SPPL2A: variants seen among roughly 807,000 people sequenced by gnomAD.
The protein encoded by SPPL2A is signal peptide peptidase-like 2A.
A neutral mutation model predicts 63.8 loss-of-function variants in SPPL2A; 51 were observed. The observed-to-expected ratio is 0.80, with a 90% CI of 0.64 to 1.01. SPPL2A has a LOEUF of 1.01. SPPL2A is among the 50% of genes least tolerant of loss of function. SPPL2A has a pLI of 0.00. For synonymous variants in SPPL2A, 188 were observed against 205.8 expected, an observed-to-expected ratio of 0.91 and a Z score of 0.74; for missense variants, 553 against 622.7, an observed-to-expected ratio of 0.89 and a Z score of 1.19.
At chr15:50,733,567 TG>T (rs1329441148) in intron 8 of SPPL2A, among the ~76,000 whole-genome samples, 1 of 152,148 alleles carries the variant, frequency 6.6e-6, no homozygotes, top group Non-Finnish European at 1.5e-5. Flanking sequence ...TGCTACTTGA[TG>T]AAAACATTGG....
intron 14 of SPPL2A, among the ~76,000 whole-genome samples, chr15:50,712,508 T>C (rs2062566627): frequency 6.6e-6 from 1 of 152,036 alleles, no homozygotes. Context: ...CAAGTCTCCC[T>C]CTGTCTCACC....
intron 14 of SPPL2A, among the ~76,000 whole-genome samples, chr15:50,715,135 A>C (rs2062591200): frequency 2.6e-5 from 4 of 151,970 alleles, no homozygotes; most frequent in African/African-American, 9.7e-5. Flanking sequence ...TGGGGATTAC[A>C]AGTGTGTGCC....
intron 5 of SPPL2A, among the ~76,000 whole-genome samples, chr15:50,745,347 C>T (rs1055539180): frequency 2.6e-5 from 4 of 152,040 alleles, no homozygotes; most frequent in South Asian, 2.1e-4. Flanking sequence ...GATGGGGTTT[C>T]GCCATGTGGG....
chr15:50,748,011 A>G (rs1194200625), intron 4 of SPPL2A, 102 bp downstream of exon 4: 5 of 525,878 alleles, frequency 9.5e-6, no homozygotes, highest in Admixed American at 4.2e-5. Context: ...GCTTCTTGTT[A>G]GCAAATGGAG....
At chr15:50,746,477 A>G (rs2062858931) in intron 5 of SPPL2A, among the ~76,000 whole-genome samples, 1 of 149,500 alleles carries the variant, frequency 6.7e-6, no homozygotes, top group South Asian at 2.1e-4. Context: ...ATGTAAAAAC[A>G]TTTATGTTTA....
intron 14 of SPPL2A, among the ~76,000 whole-genome samples, chr15:50,711,052 C>T (rs1371955457): frequency 6.6e-6 from 1 of 152,004 alleles, no homozygotes; most frequent in African/African-American, 2.4e-5. Context: ...TTGCTTTATA[C>T]TAATTAGAAC....
Position 50,707,847 on chromosome 15 carries a change from T to C in SPPL2A, c.1516A>G (p.Asn506Asp). Residue 506 changes from asparagine to aspartate, a missense_variant, in exon 15 of 15, where the codon AAT becomes GAT. Coordinates refer to ENST00000261854, the MANE Select transcript of SPPL2A (RefSeq NM_032802.4). The stretch of plus-strand genomic sequence containing the variant: ...CCAGATATCACAGGGTTTTCTTCAT[T>C]TGTTGCACAATCCAAATGGTCCATC... Reference protein sequence around the residue: ...QMMDHLDCATNEENPVISGEQ... With the variant: ...QMMDHLDCATDEENPVISGEQ... 5 of 1,600,522 alleles carry C rather than the reference T, an allele frequency of 3.1e-6. No individual in the cohort carries two copies. The highest frequency in any genetic ancestry group is 4.3e-6 in the Non-Finnish European group (5 of 1,167,596).
chr15:50,761,559 T>C (rs868850956), intron 1 of SPPL2A, among the ~76,000 whole-genome samples: 1 of 152,090 alleles, frequency 6.6e-6, no homozygotes, highest in Non-Finnish European at 1.5e-5. Flanking sequence ...GAGGTTGTGA[T>C]GAGCTGGGAT....
At chr15:50,720,220 C>T (rs1316355867) in intron 13 of SPPL2A, 120 bp from the exon 14 acceptor site, 1 of 699,230 alleles carries the variant, frequency 1.4e-6, no homozygotes, top group Non-Finnish European at 2.3e-6. Context: ...TCTATGACTT[C>T]TTGTAATTTC....
intron 5 of SPPL2A, among the ~76,000 whole-genome samples, chr15:50,745,011 G>T (rs1419762179): frequency 6.6e-6 from 1 of 152,186 alleles, no homozygotes; most frequent in Admixed American, 6.5e-5. Flanking sequence ...GAAAAGGGAA[G>T]CATATACAGA....
chr15:50,712,892 G>A (rs2062570853), intron 14 of SPPL2A, among the ~76,000 whole-genome samples: 1 of 151,818 alleles, frequency 6.6e-6, no homozygotes, highest in East Asian at 1.9e-4. Flanking sequence ...TCACCATGTT[G>A]GTCAGGCTGT....
In SPPL2A at chr15:50,706,361, G is replaced by C. The variant is rs1166700888; in HGVS notation, c.*1439C>G. 7.3e-6 allele frequency: 1 copy of C among 136,762 alleles called. No homozygotes were observed. Among genetic ancestry groups the C allele is most frequent in the East Asian group, 2.2e-4 (1 of 4,632 alleles). 8.5% of individuals were successfully genotyped at this position (136,762 alleles called of 1,614,324 possible). A position where few individuals can be genotyped will look rare whatever the true frequency, so the allele number is the denominator to read the frequency against. ...GCCGAGATCCCGCCACTGCACTCCA[G>C]CCTGGGCGACAGAGCGAGACTCCGT... On this transcript the variant is annotated 3_prime_UTR_variant, in exon 15 of 15. Transcript: ENST00000261854.
At chr15:50,740,252 C>A (rs1305757907) in intron 5 of SPPL2A, among the ~76,000 whole-genome samples, 2 of 151,614 alleles carry the variant, frequency 1.3e-5, no homozygotes, top group Admixed American at 6.6e-5. Flanking sequence ...CATGGTGAAA[C>A]TCTGTCTCTA....
At chr15:50,760,833 T>A (rs988562230) in intron 1 of SPPL2A, among the ~76,000 whole-genome samples, 2 of 152,250 alleles carry the variant, frequency 1.3e-5, no homozygotes, top group African/African-American at 4.8e-5. Context: ...AGAGAAAGAA[T>A]TGAAGAATCT....
At chr15:50,723,483 T>C (rs2062663463) in intron 12 of SPPL2A, among the ~76,000 whole-genome samples, 1 of 150,268 alleles carries the variant, frequency 6.7e-6, no homozygotes, top group Non-Finnish European at 1.5e-5. Context: ...TTGGGTTTTT[T>C]TTGTTTTTTT....
chr15:50,757,089 C>CTTTCTTTCTTTTT (rs537107994), intron 1 of SPPL2A, among the ~76,000 whole-genome samples: 2 of 128,374 alleles, frequency 1.6e-5, no homozygotes, highest in African/African-American at 6.1e-5. Flanking sequence ...TAAATCCTTT[C>CTTTCTTTCTTTTT]TTTTTTTTTT....
chr15:50,758,206 G>C (rs2062977986), intron 1 of SPPL2A, among the ~76,000 whole-genome samples: 1 of 141,582 alleles, frequency 7.1e-6, no homozygotes, highest in South Asian at 2.3e-4. Flanking sequence ...GGAGAATGGC[G>C]TGAACCTGGG....
At chr15:50,746,056 A>AAT (rs1555444054) in intron 5 of SPPL2A, among the ~76,000 whole-genome samples, 3 of 151,888 alleles carry the variant, frequency 2.0e-5, no homozygotes, top group African/African-American at 7.3e-5. Flanking sequence ...ATCTCAAAAA[A>AAT]ATATATATAA....
chr15:50,727,778 ATTT>A (rs1314380424), intron 10 of SPPL2A, among the ~76,000 whole-genome samples: 1 of 152,206 alleles, frequency 6.6e-6, no homozygotes, highest in Non-Finnish European at 1.5e-5. Context: ...CAGCAATCTG[ATTT>A]TTGAGTTACC....
Sources: gnomAD v4.1 joint callset for allele counts (sites outside exome capture counted in the v4.1 genomes callset) on GRCh38, gnomAD v4.1.1 for gene constraint, MANE v1.5 for transcripts, NCBI Gene and HGNC (gene_info 2026-07-23, HGNC 2026-07-21) for gene names.